Variants in ARHGAP39 observed in about 807,000 individuals in gnomAD.
The protein encoded by ARHGAP39 is rho GTPase-activating protein 39.
A neutral mutation model predicts 106.9 loss-of-function variants in ARHGAP39; 44 were observed. The observed-to-expected ratio is 0.41, with a 90% CI of 0.32 to 0.53. The LOEUF is 0.53. Ranked by LOEUF, ARHGAP39 falls within the 20% of genes least tolerant of loss-of-function variation. The pLI, the probability that ARHGAP39 is intolerant of heterozygous loss-of-function variation, is 0.21. For missense variants in ARHGAP39, 1,496 were observed against 1,577.3 expected (o/e 0.95, Z 0.87); for synonymous variants, 768 against 693.2 (o/e 1.11, Z -1.69).
intron 1 of ARHGAP39, among the ~76,000 whole-genome samples, chr8:144,618,673 G>A (rs925348692): frequency 2.6e-5 from 4 of 152,224 alleles, no homozygotes; most frequent in Non-Finnish European, 5.9e-5. Context: ...CGCCTGCTCA[G>A]CTGGGAGGGA....
chr8:144,613,527 T>TA (rs1820548756), intron 1 of ARHGAP39, among the ~76,000 whole-genome samples: 1 of 151,944 alleles, frequency 6.6e-6, no homozygotes, highest in Non-Finnish European at 1.5e-5. Flanking sequence ...TTAAACACAC[T>TA]ACACCATTGT....
chr8:144,630,393 C>T (rs971080127), intron 1 of ARHGAP39, among the ~76,000 whole-genome samples: 3 of 152,186 alleles, frequency 2.0e-5, no homozygotes, highest in African/African-American at 2.4e-5. Context: ...GAAAGTGCTT[C>T]CTGGTTCTCC....
At chr8:144,683,634 AC>A (rs1293560389) in intron 1 of ARHGAP39, among the ~76,000 whole-genome samples, 4 of 152,122 alleles carry the variant, frequency 2.6e-5, no homozygotes, top group Non-Finnish European at 5.9e-5. Context: ...GGTGTGAGCC[AC>A]CGCACCTGGC....
chr8:144,610,796 T>C (rs1351318856), intron 1 of ARHGAP39, among the ~76,000 whole-genome samples: 3 of 152,154 alleles, frequency 2.0e-5, no homozygotes, highest in Admixed American at 6.5e-5. Context: ...CAAGTTTTGA[T>C]ATGCTGTATT....
At position 144,676,623 on chromosome 8, in the gene ARHGAP39, C is replaced by T. The variant is rs182398425; in HGVS notation, c.-82+9063G>A. Reference sequence around the variant, plus strand: ...TCCCCACCCGACCCAGAAGCCCAGCCGGCTTCACCTCTCAATGGTGGGACT... The same window carrying T: ...TCCCCACCCGACCCAGAAGCCCAGCTGGCTTCACCTCTCAATGGTGGGACT... On this transcript the variant is annotated intron_variant, in intron 1 of 11. Transcript: ENST00000377307. 5.3e-5 allele frequency among the ~76,000 whole-genome samples: 8 copies of T among 152,370 alleles called. No individual in the cohort carries two copies. In the East Asian group the frequency reaches 7.7e-4, roughly 15 times the overall value.
chr8:144,605,427 C>G, intron 2 of ARHGAP39, 108 bp downstream of exon 2: 5 of 1,195,236 alleles, frequency 4.2e-6, no homozygotes, highest in Non-Finnish European at 6.0e-6. Flanking sequence ...AGCGACGAAT[C>G]CATTCTCCAC....
intron 6 of ARHGAP39, 120 bp from the exon 7 acceptor site, chr8:144,537,933 A>G: frequency 2.4e-6 from 2 of 841,758 alleles, no homozygotes; most frequent in South Asian, 3.1e-5. Context: ...CACCCTGTGC[A>G]GCTGGGGGCT....
chr8:144,634,052 A>G (rs1330637160), intron 1 of ARHGAP39, among the ~76,000 whole-genome samples: 1 of 152,286 alleles, frequency 6.6e-6, no homozygotes, highest in East Asian at 1.9e-4. Flanking sequence ...CTCTGTGCCC[A>G]TGAAGGCAAT....
In ARHGAP39 at chr8:144,651,368, C is replaced by T. The variant is rs563910628; in HGVS notation, c.-82+34318G>A. On this transcript the variant is annotated intron_variant, in intron 1 of 11. Coordinates refer to ENST00000377307, the MANE Select transcript of ARHGAP39 (RefSeq NM_025251.3). ...CAAATTCAATGCTATTCCTAACAAA[C>T]TACCAACGACATTCTTCACAAAACT... Among the ~76,000 whole-genome samples the T allele has an allele frequency of 7.9e-5, 12 of 152,284 alleles. 1 individual carries two copies. Among genetic ancestry groups the T allele is most frequent in the African/African-American group, 2.9e-4 (12 of 41,554 alleles).
rs144053060 is a variant in ARHGAP39 at position 144,547,790 on chromosome 8, G to A, written c.1296C>T (p.Ser432=). The change falls in exon 5 of 12, where the codon AGC becomes AGT. Residue 432 remains serine, a synonymous_variant. Transcript: ENST00000377307. This position sits in a 1 kb window ranked among gnomAD's most constrained non-coding sequence, Gnocchi z 5.2. ...PGGGSYSLQP[S]PCLLRDQRLG... is the part of the protein sequence containing the mutation. ...GGCGCTGGTCCCTCAGCAGGCAGGG[G>A]CTGGGCTGCAAGGAGTACGAACCAC... The A allele has an allele frequency of 5.8e-5, 93 of 1,596,328 alleles. No individual in the cohort carries two copies. Among genetic ancestry groups the A allele is most frequent in the African/African-American group, 4.9e-4 (37 of 74,898 alleles).
intron 1 of ARHGAP39, among the ~76,000 whole-genome samples, chr8:144,610,465 A>T (rs1448988858): frequency 8.5e-5 from 13 of 152,152 alleles, no homozygotes; most frequent in Admixed American, 8.5e-4. Context: ...TAATCCCAGC[A>T]CTTTGGGAGG....
intron 2 of ARHGAP39, among the ~76,000 whole-genome samples, chr8:144,603,989 C>T (rs775740851): frequency 1.3e-5 from 2 of 152,118 alleles, no homozygotes; most frequent in African/African-American, 2.4e-5. Context: ...AAAAACCCAA[C>T]GGAGCTCACA....
At chr8:144,663,237 G>A (rs912063646) in intron 1 of ARHGAP39, among the ~76,000 whole-genome samples, 2 of 151,934 alleles carry the variant, frequency 1.3e-5, no homozygotes, top group South Asian at 2.1e-4. Context: ...CCTGAATCTA[G>A]GTAATTTATT....
At chr8:144,538,339 CCTAG>C (rs918550703) in intron 6 of ARHGAP39, among the ~76,000 whole-genome samples, 6 of 152,216 alleles carry the variant, frequency 3.9e-5, no homozygotes, top group African/African-American at 1.4e-4. Context: ...GCCTCGATGA[CCTAG>C]CTGAGGTCAC....
Position 144,644,534 on chromosome 8 carries a change from T to C in ARHGAP39, c.-81-38839A>G, listed in dbSNP as rs1821395917. 1.3e-5 allele frequency among the ~76,000 whole-genome samples: 2 copies of C among 152,220 alleles called. No individual in the cohort carries two copies. The highest frequency in any genetic ancestry group is 2.9e-5 in the Non-Finnish European group (2 of 68,042). On this transcript the variant is annotated intron_variant, in intron 1 of 11. Coordinates refer to ENST00000377307, the MANE Select transcript of ARHGAP39 (RefSeq NM_025251.3). This position sits in a 1 kb window ranked among gnomAD's most constrained non-coding sequence, Gnocchi z 4.8. ...ACTTGAAATGAGTGAATTTTTTATA[T>C]ATAAATTATACCTCCATAATTGAAA...
intron 2 of ARHGAP39, among the ~76,000 whole-genome samples, chr8:144,587,691 G>A (rs1159025349): frequency 6.1e-5 from 9 of 148,150 alleles, no homozygotes; most frequent in African/African-American, 1.0e-4. Flanking sequence ...GTCTCGCTCC[G>A]TCATCCAGGC....
Position 144,547,230 on chromosome 8 carries a change from C to T in ARHGAP39, c.1856G>A (p.Arg619Lys). The change falls in exon 5 of 12, where the codon AGG (arginine) becomes AAG (lysine). Residue 619 changes from arginine (R) to lysine (K), a missense_variant. Transcript: ENST00000377307. This position sits in a 1 kb window ranked among gnomAD's most constrained non-coding sequence, Gnocchi z 5.2. ...GAAGCCTAGCTTCTCGAAGGTGCCC[C>T]TCCTCCAGTGCCTGTTCTCCTGCTG... ...LAQQENRHWR[R>K]GTFEKLGFPQ... 1.9e-6 allele frequency: 3 copies of T among 1,612,620 alleles called. No individual in the cohort carries two copies. The highest frequency in any genetic ancestry group is 8.5e-7 in the Non-Finnish European group (1 of 1,179,806).
rs1177390086 is a variant in ARHGAP39 at position 144,644,545 on chromosome 8, C to A, written c.-81-38850G>T. Among the ~76,000 whole-genome samples, 2 of 152,158 alleles carry A rather than the reference C, an allele frequency of 1.3e-5. No individual in the cohort carries two copies. The highest frequency in any genetic ancestry group is 1.3e-4 in the Admixed American group (2 of 15,278). ...GTGAATTTTTTATATATAAATTATA[C>A]CTCCATAATTGAAACACTGCCAAAT... On this transcript the variant is annotated intron_variant, in intron 1 of 11. Coordinates refer to ENST00000377307, the MANE Select transcript of ARHGAP39 (RefSeq NM_025251.3). The surrounding 1 kb of genome is among the most constrained non-coding windows in gnomAD (Gnocchi z 4.8).
the ARHGAP39 span, chr8:144,698,737 G>A: frequency 2.2e-6 from 1 of 446,866 alleles, no homozygotes; most frequent in Non-Finnish European, 4.5e-6. Context: ...TGTACTGAGA[G>A]GACGAAGGCC....
Sources: gnomAD v4.1 joint callset for allele counts (sites outside exome capture counted in the v4.1 genomes callset) on GRCh38, gnomAD v4.1.1 for gene constraint, Gnocchi (gnomAD v3.1) non-coding constraint, MANE v1.5 for transcripts, NCBI Gene and HGNC (gene_info 2026-07-23, HGNC 2026-07-21) for gene names.